The following MYH8 variants were observed in gnomAD, a reference collection of about 807,000 sequenced individuals.
MYH8 encodes the protein myosin-8.
Under a neutral mutation model 233.2 loss-of-function variants are expected in MYH8, and 168 were observed. The ratio of observed to expected loss-of-function variants is 0.72; its 90% confidence interval spans 0.64 to 0.82. The LOEUF is 0.82. Among genes scored for constraint, MYH8 ranks in the 40% least tolerant of loss-of-function variants. The pLI is 0.00. For synonymous variants in MYH8, 785 were observed against 850.6 expected (o/e 0.92, Z 1.34); for missense variants, 1,995 against 2,327.8 (o/e 0.86, Z 2.94).
chr17:10,419,601 C>CT lies in MYH8; in HGVS notation c.210+416dup, dbSNP rs1197959115. On this transcript the variant is annotated intron_variant, in intron 3 of 39. Coordinates refer to ENST00000403437, the MANE Select transcript of MYH8 (RefSeq NM_002472.3). The surrounding 1 kb of genome is among the most constrained non-coding windows in gnomAD (Gnocchi z 4.0). The stretch of plus-strand genomic sequence containing the variant: ...TATCCCAGATTTATCAGTTTATATC[C>CT]TTTTTTTCTTATTTTAGTAGGCTAA... Among the ~76,000 whole-genome samples the CT allele has an allele frequency of 1.3e-5, 2 of 152,034 alleles. No individual in the cohort carries two copies. The highest frequency in any genetic ancestry group is 6.5e-5 in the Admixed American group (1 of 15,272).
rs750496152 is a variant in MYH8, at chr17:10,399,533, A to T, written c.3862+10T>A. 6.2e-7 allele frequency: 1 copy of T among 1,613,016 alleles called. No individual in the cohort carries two copies. Among genetic ancestry groups the T allele is most frequent in the Non-Finnish European group, 8.5e-7 (1 of 1,179,954 alleles). On this transcript the variant is annotated intron_variant, in intron 28 of 39. Transcript: ENST00000403437. ...TCCATGGTGTTGGGACCCAGAGAAG[A>T]TGTCTTTACCCGCTTCTGTCTGCAG...
intron 35 of MYH8, among the ~76,000 whole-genome samples, 198 bp downstream of exon 35, chr17:10,394,051 A>G (rs1321866744): frequency 2.1e-5 from 2 of 94,744 alleles, no homozygotes; most frequent in Admixed American, 2.1e-4. Context: ...AGAAAGAAAC[A>G]GGAACACACA....
chr17:10,420,599 A>G (rs979597790), intron 2 of MYH8, among the ~76,000 whole-genome samples: 2 of 152,246 alleles, frequency 1.3e-5, no homozygotes, highest in African/African-American at 2.4e-5. Context: ...CTCTTTCTGC[A>G]TAATGTTTGT....
Position 10,398,866 on chromosome 17 carries a change from C to T in MYH8, c.3883G>A (p.Asp1295Asn). 6.2e-7 allele frequency: 1 copy of T among 1,612,980 alleles called. No homozygotes were observed. The highest frequency in any genetic ancestry group is 8.5e-7 in the Non-Finnish European group (1 of 1,179,964). Reference protein sequence around the residue: ...TEAGEYSRQLDEKDALVSQLS... With the variant: ...TEAGEYSRQLNEKDALVSQLS... ...TGAGAGACTAAAGCATCTTTCTCATCTAATTGTCGAGAATATTCACCTAGG... is the reference window on the plus strand; with the variant it reads ...TGAGAGACTAAAGCATCTTTCTCATTTAATTGTCGAGAATATTCACCTAGG... The change falls in exon 29 of 40, where the codon GAT (aspartate) becomes AAT (asparagine). Residue 1295 changes from aspartate to asparagine, a missense_variant. By Grantham distance (23) the Asp-to-Asn change is conservative. Coordinates refer to ENST00000403437, the MANE Select transcript of MYH8 (RefSeq NM_002472.3).
chr17:10,398,336 C>G, intron 30 of MYH8, 108 bp downstream of exon 30: 1 of 1,502,010 alleles, frequency 6.7e-7, no homozygotes, highest in Non-Finnish European at 9.2e-7. Context: ...TAATACTTGA[C>G]ACAGTATGCA....
intron 27 of MYH8, among the ~76,000 whole-genome samples, chr17:10,399,983 C>T (rs2072121112): frequency 6.6e-6 from 1 of 152,160 alleles, no homozygotes; most frequent in African/African-American, 2.4e-5. Flanking sequence ...GCGGGCGGAT[C>T]ATGAGGTTAG....
intron 28 of MYH8, 146 bp from the exon 29 acceptor site, chr17:10,399,032 C>A (rs2072108455): frequency 3.6e-6 from 1 of 273,984 alleles, no homozygotes; most frequent in Non-Finnish European, 6.3e-6. Flanking sequence ...GTTGTATATA[C>A]CTTACCTGAA....
At chr17:10,407,391 C>G (rs1161236544) in intron 17 of MYH8, among the ~76,000 whole-genome samples, 2 of 152,252 alleles carry the variant, frequency 1.3e-5, no homozygotes, top group South Asian at 2.1e-4. Flanking sequence ...TGTGAGGTCT[C>G]TTTCATCTCT....
chr17:10,408,370 AT>A (rs760301434), intron 17 of MYH8, among the ~76,000 whole-genome samples: 19 of 152,224 alleles, frequency 1.2e-4, no homozygotes, highest in Non-Finnish European at 2.5e-4. Context: ...TGGTAAGATA[AT>A]GCAAATTGGT....
chr17:10,393,991 C>G (rs371615573), intron 35 of MYH8, among the ~76,000 whole-genome samples: 3 of 35,992 alleles, frequency 8.3e-5, no homozygotes, highest in Admixed American at 5.4e-4. Context: ...AAAGTAATAG[C>G]TTTTTTTTTT....
chr17:10,394,545 C>CAGAA, intron 34 of MYH8, 93 bp from the exon 35 acceptor site: 1 of 1,433,794 alleles, frequency 7.0e-7, no homozygotes, highest in Admixed American at 1.9e-5. Context: ...GTGACAGGAA[C>CAGAA]AGAAGATGAC....
At position 10,391,866 on chromosome 17, in the gene MYH8, G is replaced by C. The variant is rs1449475117; in HGVS notation, c.5664+16C>G. The C allele has an allele frequency of 9.4e-6, 15 of 1,600,456 alleles. No homozygotes were observed. Among genetic ancestry groups the C allele is most frequent in the Non-Finnish European group, 1.3e-5 (15 of 1,167,852 alleles). On this transcript the variant is annotated intron_variant, in intron 39 of 39. Coordinates refer to ENST00000403437, the MANE Select transcript of MYH8 (RefSeq NM_002472.3). ...AAGAAATTTCCTTCTTTCCTCAAGG[G>C]CTTAAAGATACTTACAGCCTCCTCA...
rs146773971 is a variant in MYH8 at position 10,396,581 on chromosome 17, C to T, written c.4500G>A (p.Thr1500=). ...GCAAGTTCTTATTTTCTCTTCTTAG[C>T]GTTTCGAGTTGATCCAGGGATTCCT... ...VYEESLDQLE[T]LRRENKNLQQ... Residue 1500 remains threonine, a synonymous_variant, in exon 32 of 40, where the codon ACG becomes ACA. Transcript: ENST00000403437. The surrounding 1 kb of genome is among the most constrained non-coding windows in gnomAD (Gnocchi z 4.2). 21 of 1,613,986 alleles carry T rather than the reference C, an allele frequency of 1.3e-5. No individual in the cohort carries two copies. The highest frequency in any genetic ancestry group is 2.7e-5 in the African/African-American group (2 of 74,908).
Position 10,420,023 on chromosome 17 carries a change from C to T in MYH8, c.205G>A (p.Gly69Arg), listed in dbSNP as rs749528434. Residue 69 changes from glycine to arginine, a missense_variant, in exon 3 of 40, where the codon GGA becomes AGA. Transcript: ENST00000403437. ...TTCTCCCTGTTTTCACTTACTGCTC[C>T]ACCTTCAGTCTTTACGGTTACTTTC... ...GGKVTVKTEG[G>R]ATLTVREDQV... The T allele has an allele frequency of 6.2e-7, 1 of 1,613,978 alleles. No individual in the cohort carries two copies.
intron 39 of MYH8, among the ~76,000 whole-genome samples, chr17:10,390,969 G>A (rs2072016520): frequency 6.6e-6 from 1 of 152,172 alleles, no homozygotes; most frequent in Non-Finnish European, 1.5e-5. Context: ...ATAAAGAAAG[G>A]GAAAAGATGG....
chr17:10,415,745 A>G lies in MYH8; in HGVS notation c.512-37T>C, dbSNP rs1251875117. 3 of 1,594,344 alleles carry G rather than the reference A, an allele frequency of 1.9e-6. No homozygotes were observed. The highest frequency in any genetic ancestry group is 1.7e-5 in the Admixed American group (1 of 58,658). On this transcript the variant is annotated intron_variant, in intron 5 of 39. Coordinates refer to ENST00000403437, the MANE Select transcript of MYH8 (RefSeq NM_002472.3). The surrounding 1 kb of genome is among the most constrained non-coding windows in gnomAD (Gnocchi z 4.1). ...TTCAAAATCATCCGTTAAAAAATGC[A>G]TATTTAATATGAAGAGTATTGAATC... is the stretch of plus-strand genomic sequence containing the variant.
chr17:10,397,422 C>T (rs1371750034), intron 30 of MYH8, among the ~76,000 whole-genome samples: 1 of 152,124 alleles, frequency 6.6e-6, no homozygotes, highest in Non-Finnish European at 1.5e-5. Context: ...TGGCAAATGG[C>T]ATATGATTTT....
intron 35 of MYH8, 127 bp downstream of exon 35, chr17:10,394,122 G>T: frequency 7.8e-7 from 1 of 1,286,212 alleles, no homozygotes; most frequent in Non-Finnish European, 1.1e-6. Context: ...ATAGCAATGA[G>T]TATTTTTGAG....
chr17:10,402,463 C>A (rs2072151664), intron 22 of MYH8, among the ~76,000 whole-genome samples: 1 of 152,018 alleles, frequency 6.6e-6, no homozygotes, highest in South Asian at 2.1e-4. Context: ...TTTTTTGGAA[C>A]TTTTACCCCA....
Sources: allele counts gnomAD v4.1 joint callset (sites outside exome capture counted in the v4.1 genomes callset), GRCh38; gene constraint gnomAD v4.1.1; non-coding constraint Gnocchi (gnomAD v3.1); transcripts MANE v1.5; gene names NCBI Gene and HGNC (gene_info 2026-07-23, HGNC 2026-07-21).